The following LNX1 variants were observed in gnomAD, a reference collection of about 807,000 sequenced individuals.
LNX1 encodes E3 ubiquitin-protein ligase LNX.
A neutral mutation model predicts 68.4 loss-of-function variants in LNX1; 54 were observed. The observed-to-expected ratio is 0.79, with a 90% CI of 0.63 to 0.99. LNX1 has a LOEUF of 0.99. Ranked by LOEUF, LNX1 falls within the 50% of genes least tolerant of loss-of-function variation. LNX1 has a pLI of 0.00. For synonymous variants in LNX1, 336 were observed against 350.0 expected, an observed-to-expected ratio of 0.96 and a Z score of 0.45; for missense variants, 906 against 926.4, an observed-to-expected ratio of 0.98 and a Z score of 0.29.
chr4:53,476,748 C>T lies in LNX1; in HGVS notation c.1892+5G>A, dbSNP rs1251842173. 10 of 1,610,850 alleles carry T rather than the reference C, an allele frequency of 6.2e-6. No individual in the cohort carries two copies. Among genetic ancestry groups the T allele is most frequent in the Admixed American group, 1.7e-5 (1 of 60,012 alleles). Reference sequence around the variant, plus strand: ...CCCCTACAGGGATGTTGTGTTTGGACTTACCGTGGTAATTCCAGCCACATG... The same window carrying T: ...CCCCTACAGGGATGTTGTGTTTGGATTTACCGTGGTAATTCCAGCCACATG... On this transcript the variant is annotated splice_donor_5th_base_variant and intron_variant, in intron 9 of 10. Transcript: ENST00000263925.
chr4:53,526,346 T>C (rs1379707376), intron 2 of LNX1, among the ~76,000 whole-genome samples: 1 of 152,216 alleles, frequency 6.6e-6, no homozygotes, highest in Non-Finnish European at 1.5e-5. Flanking sequence ...TGAATCGTTT[T>C]CATAATCTTG....
At chr4:53,639,204 C>T (rs1300578054) in intron 1 of LNX1, among the ~76,000 whole-genome samples, 3 of 152,178 alleles carry the variant, frequency 2.0e-5, no homozygotes, top group African/African-American at 7.2e-5. Context: ...AGCTGGAGGC[C>T]ATTCTTCTCA....
At chr4:53,584,213 G>A (rs4864474) in intron 1 of LNX1, among the ~76,000 whole-genome samples, 45,850 of 151,948 alleles carry the variant, frequency 0.3, 7,016 homozygotes, top group Admixed American at 0.34. Flanking sequence ...GACAAGATGA[G>A]GAAAGATATT....
At chr4:53,628,062 T>A (rs1483518179) in intron 1 of LNX1, among the ~76,000 whole-genome samples, 1 of 152,148 alleles carries the variant, frequency 6.6e-6, no homozygotes, top group East Asian at 1.9e-4. Context: ...CCTCTTCAAA[T>A]TTTCAAGTGG....
intron 2 of LNX1, among the ~76,000 whole-genome samples, chr4:53,609,122 G>A (rs1268683164): frequency 1.3e-5 from 2 of 152,104 alleles, no homozygotes; most frequent in Non-Finnish European, 2.9e-5. Flanking sequence ...ACAACTATCT[G>A]ATGCTCAACA....
intron 2 of LNX1, among the ~76,000 whole-genome samples, chr4:53,537,386 C>T (rs184195637): frequency 4.7e-4 from 72 of 152,248 alleles, no homozygotes; most frequent in Admixed American, 7.8e-4. Flanking sequence ...CTAGTCTTCC[C>T]TCTGTCTAAT....
chr4:53,564,891 A>G (rs1730547810), intron 2 of LNX1, among the ~76,000 whole-genome samples: 2 of 152,210 alleles, frequency 1.3e-5, no homozygotes, highest in Non-Finnish European at 2.9e-5. Context: ...GGTGACAGAC[A>G]GCACCGGGAA....
intron 7 of LNX1, among the ~76,000 whole-genome samples, chr4:53,479,783 T>C (rs980602231): frequency 2.6e-5 from 4 of 152,230 alleles, no homozygotes; most frequent in Non-Finnish European, 5.9e-5. Flanking sequence ...AACTATAAGA[T>C]GTATTTCCAT....
At chr4:53,592,063 T>G (rs552248182), upstream of LNX1, among the ~76,000 whole-genome samples, 2 of 152,178 alleles carry the variant, frequency 1.3e-5, no homozygotes, top group East Asian at 1.9e-4. Flanking sequence ...TTCAAAGTGG[T>G]TTTCAAACAC....
At chr4:53,648,802 C>T (rs1235613417) in intron 1 of LNX1, among the ~76,000 whole-genome samples, 1 of 152,158 alleles carries the variant, frequency 6.6e-6, no homozygotes, top group Non-Finnish European at 1.5e-5. Context: ...GCCCTTCCAT[C>T]CCCCTGAACA....
rs117395833 is a variant in LNX1, at chr4:53,574,378, C to A, written c.-86-290G>T. Among the ~76,000 whole-genome samples the A allele has an allele frequency of 1.6e-4, 25 of 152,038 alleles. No homozygotes were observed. The East Asian group carries it at 4.8e-3, about 29-fold the overall frequency. On this transcript the variant is annotated intron_variant, in intron 1 of 10. Transcript: ENST00000263925. ...TATCTGGGAAATGCCTAAAGTAACT[C>A]TAAAAAATGTAATTTGTTAAGAAAA...
intron 6 of LNX1, among the ~76,000 whole-genome samples, chr4:53,491,706 T>C (rs1366481745): frequency 1.3e-5 from 2 of 152,092 alleles, no homozygotes; most frequent in African/African-American, 4.8e-5. Context: ...TAGATGTTCA[T>C]AATTTGACTC....
At chr4:53,594,140 A>AATATAT (rs3067031), upstream of LNX1, 2 of 148,298 alleles carry the variant, frequency 1.3e-5, no homozygotes, top group African/African-American at 2.5e-5. Context: ...GTGTGTGTAT[A>AATATAT]ATATATATAT....
In LNX1 at chr4:53,558,113, C is replaced by A. The variant is rs1414445740; in HGVS notation, c.380+15510G>T. Reference sequence around the variant, plus strand: ...GACTGAGAACCTTCAGATTAAGCCACGTTAATAAATCACGGGCCCGTAAGA... The same window carrying A: ...GACTGAGAACCTTCAGATTAAGCCAAGTTAATAAATCACGGGCCCGTAAGA... On this transcript the variant is annotated intron_variant, in intron 2 of 10. Coordinates refer to ENST00000263925, the MANE Select transcript of LNX1 (RefSeq NM_001126328.3). 20 of 1,441,572 alleles carry A rather than the reference C, an allele frequency of 1.4e-5. No homozygotes were observed. The South Asian group carries it at 2.9e-4, about 21-fold the overall frequency. 89.3% of individuals were successfully genotyped at this position (1,441,572 alleles called of 1,614,324 possible).
chr4:53,608,114 C>T (rs753046766), intron 2 of LNX1, among the ~76,000 whole-genome samples: 21 of 151,768 alleles, frequency 1.4e-4, no homozygotes, highest in Non-Finnish European at 2.2e-4. Context: ...AAAATTGACA[C>T]ATGGGACCTA....
At chr4:53,623,106 C>G (rs187007385) in intron 1 of LNX1, among the ~76,000 whole-genome samples, 1 of 151,976 alleles carries the variant, frequency 6.6e-6, no homozygotes, top group Non-Finnish European at 1.5e-5. Flanking sequence ...ATTCATGATC[C>G]TGGACTGATC....
At chr4:53,521,831 T>A (rs1727246969) in intron 2 of LNX1, among the ~76,000 whole-genome samples, 1 of 152,156 alleles carries the variant, frequency 6.6e-6, no homozygotes, top group African/African-American at 2.4e-5. Flanking sequence ...TCTGCTGGAT[T>A]CCTCTGACCC....
At chr4:53,518,816 G>A (rs1015645669) in intron 2 of LNX1, among the ~76,000 whole-genome samples, 2 of 152,154 alleles carry the variant, frequency 1.3e-5, no homozygotes, top group East Asian at 1.9e-4. Context: ...AACATGGGAC[G>A]TAGGGAAAAG....
intron 9 of LNX1, among the ~76,000 whole-genome samples, chr4:53,468,600 C>G (rs1722884411): frequency 6.6e-6 from 1 of 152,146 alleles, no homozygotes. Flanking sequence ...AAACCCATCT[C>G]AAGTGCAGAG....
Sources: gnomAD v4.1 joint callset for allele counts (sites outside exome capture counted in the v4.1 genomes callset) on GRCh38, gnomAD v4.1.1 for gene constraint, MANE v1.5 for transcripts, NCBI Gene and HGNC (gene_info 2026-07-23, HGNC 2026-07-21) for gene names.